GRHL2: variants seen among roughly 807,000 people sequenced by gnomAD.
GRHL2 encodes the protein grainyhead-like protein 2 homolog.
Under a neutral mutation model 83.8 loss-of-function variants are expected in GRHL2, and 21 were observed. The ratio of observed to expected loss-of-function variants is 0.25; its 90% CI spans 0.18 to 0.36. GRHL2 has a LOEUF of 0.36. Among genes scored for constraint, GRHL2 ranks in the 10% least tolerant of loss-of-function variants. GRHL2 has a pLI of 1.00. For synonymous variants in GRHL2, 280 were observed against 278.9 expected (o/e 1.00, Z -0.04); for missense variants, 623 against 781.8 (o/e 0.80, Z 2.42).
At chr8:101,564,323 TA>T (rs1425451539) in intron 4 of GRHL2, among the ~76,000 whole-genome samples, 11 of 152,222 alleles carry the variant, frequency 7.2e-5, no homozygotes, top group African/African-American at 2.7e-4. Flanking sequence ...AAAATTTGTC[TA>T]AACTCACTTA....
rs1423665331 is a variant in GRHL2 at position 101,610,016 on chromosome 8, T to G, written c.1099-9523T>G. On this transcript the variant is annotated intron_variant, in intron 8 of 15. Transcript: ENST00000646743. The stretch of plus-strand genomic sequence containing the variant: ...AATTCTTCTTCTGCCTGGGAGCTCG[T>G]TATTTCACCAAGCAGCCCAATCTCT... 2.6e-5 allele frequency among the ~76,000 whole-genome samples: 4 copies of G among 151,036 alleles called. No individual in the cohort carries two copies. In the East Asian group the frequency reaches 7.7e-4, roughly 29 times the overall value.
At chr8:101,496,007 G>C (rs1251279274) in intron 1 of GRHL2, among the ~76,000 whole-genome samples, 2 of 151,976 alleles carry the variant, frequency 1.3e-5, no homozygotes, top group African/African-American at 4.8e-5. Context: ...AATTAGCCAG[G>C]TGTGGTGGCA....
chr8:101,548,333 C>A (rs1365876924), intron 2 of GRHL2, among the ~76,000 whole-genome samples: 1 of 152,198 alleles, frequency 6.6e-6, no homozygotes, highest in African/African-American at 2.4e-5. Flanking sequence ...TGCTATAAAC[C>A]TATAACCATG....
chr8:101,516,272 AT>A (rs932302276), intron 1 of GRHL2, among the ~76,000 whole-genome samples: 1 of 152,154 alleles, frequency 6.6e-6, no homozygotes, highest in East Asian at 1.9e-4. Context: ...TATAATTTTA[AT>A]TTTTATCAAA....
chr8:101,524,317 CCTTT>C (rs528465998), intron 1 of GRHL2, among the ~76,000 whole-genome samples: 91 of 152,210 alleles, frequency 6.0e-4, no homozygotes, highest in Non-Finnish European at 6.8e-4. Flanking sequence ...CTTAAATTGT[CCTTT>C]CTGTCAAGTC....
At chr8:101,508,155 A>G (rs923428748) in intron 1 of GRHL2, among the ~76,000 whole-genome samples, 5 of 152,288 alleles carry the variant, frequency 3.3e-5, no homozygotes, top group Admixed American at 2.6e-4. Flanking sequence ...ATTCCAATGA[A>G]TAGAAATTCC....
chr8:101,622,887 C>T (rs545315004), intron 9 of GRHL2, among the ~76,000 whole-genome samples: 1 of 152,128 alleles, frequency 6.6e-6, no homozygotes, highest in Admixed American at 6.5e-5. Flanking sequence ...ATTCTTATGC[C>T]TTTGGGTCAT....
chr8:101,537,905 T>A (rs1380157703), intron 1 of GRHL2, among the ~76,000 whole-genome samples: 1 of 152,228 alleles, frequency 6.6e-6, no homozygotes, highest in African/African-American at 2.4e-5. Context: ...CCTTTGTTAT[T>A]TTCTTTTTTA....
At chr8:101,652,330 GGTGT>G (rs1173769294) in intron 14 of GRHL2, among the ~76,000 whole-genome samples, 4 of 101,624 alleles carry the variant, frequency 3.9e-5, no homozygotes, top group Admixed American at 1.0e-4. Flanking sequence ...GTGTGTGTGT[GGTGT>G]GTGTGTATGT....
At chr8:101,598,105 A>G (rs141689879) in intron 7 of GRHL2, among the ~76,000 whole-genome samples, 1 of 152,346 alleles carries the variant, frequency 6.6e-6, no homozygotes, top group Non-Finnish European at 1.5e-5. Flanking sequence ...AAACACATTT[A>G]TAGCTATTGC....
chr8:101,570,283 A>AT, intron 4 of GRHL2, 56 bp from the exon 5 acceptor site: 1 of 1,259,122 alleles, frequency 7.9e-7, no homozygotes, highest in Non-Finnish European at 1.2e-6. Context: ...TATTATTATC[A>AT]TTTTTGCATA....
chr8:101,598,830 C>A (rs1812452305), intron 7 of GRHL2, among the ~76,000 whole-genome samples: 1 of 152,080 alleles, frequency 6.6e-6, no homozygotes, highest in African/African-American at 2.4e-5. Context: ...TAGCTAAGAA[C>A]ATTGGTTTGC....
intron 2 of GRHL2, 48 bp from the exon 3 acceptor site, chr8:101,552,667 C>A (rs1255451314): frequency 7.0e-6 from 11 of 1,562,116 alleles, no homozygotes; most frequent in South Asian, 3.3e-5. Context: ...TGAACATGGT[C>A]ATGGTTGCCT....
intron 8 of GRHL2, among the ~76,000 whole-genome samples, chr8:101,613,325 A>T (rs1390572272): frequency 2.0e-5 from 3 of 150,896 alleles, no homozygotes; most frequent in East Asian, 3.8e-4. Flanking sequence ...GAAATGAAAT[A>T]AAAAAATTTG....
At chr8:101,553,426 T>C (rs1811426832) in intron 3 of GRHL2, among the ~76,000 whole-genome samples, 1 of 152,208 alleles carries the variant, frequency 6.6e-6, no homozygotes, top group South Asian at 2.1e-4. Flanking sequence ...TTGGAATCTG[T>C]AGCTTGTAAC....
chr8:101,576,964 C>A (rs943823499), intron 6 of GRHL2, among the ~76,000 whole-genome samples: 5 of 152,110 alleles, frequency 3.3e-5, no homozygotes, highest in African/African-American at 9.7e-5. Flanking sequence ...GATATTCCAG[C>A]CTGAGCCACT....
intron 13 of GRHL2, among the ~76,000 whole-genome samples, chr8:101,645,994 C>T (rs1467042385): frequency 6.6e-6 from 1 of 152,128 alleles, no homozygotes; most frequent in Non-Finnish European, 1.5e-5. Flanking sequence ...CCACCTCAGC[C>T]TCCTGAGTAG....
intron 1 of GRHL2, among the ~76,000 whole-genome samples, chr8:101,504,402 A>C (rs180835863): frequency 5.5e-4 from 84 of 152,352 alleles, no homozygotes; most frequent in African/African-American, 1.6e-3. Flanking sequence ...CTGAGGAATG[A>C]CTAAGAATGA....
chr8:101,508,446 A>T (rs1422048596), intron 1 of GRHL2, among the ~76,000 whole-genome samples: 1 of 148,672 alleles, frequency 6.7e-6, no homozygotes, highest in East Asian at 2.0e-4. Context: ...AAATATATAG[A>T]GAGTATTTTG....
Sources: gnomAD v4.1 joint callset for allele counts (sites outside exome capture counted in the v4.1 genomes callset) on GRCh38, gnomAD v4.1.1 for gene constraint, MANE v1.5 for transcripts, NCBI Gene and HGNC (gene_info 2026-07-23, HGNC 2026-07-21) for gene names.